Variants in HERC3 observed in about 807,000 individuals in gnomAD.
The protein encoded by HERC3 is HECT and RLD domain containing E3 ubiquitin protein ligase 3.
HERC3 carries 58 observed loss-of-function variants against 129.9 expected under a neutral mutation model. That is an observed-to-expected ratio of 0.45 (90% confidence interval 0.36 to 0.56). The LOEUF (loss-of-function observed/expected upper bound fraction) is 0.56. Among genes scored for constraint, HERC3 ranks in the 20% least tolerant of loss-of-function variants. The probability of loss-of-function intolerance (pLI) is 0.00; values close to 1 mark genes in which losing one functional copy is unlikely to be tolerated. For missense variants in HERC3, 835 were observed against 1,244.2 expected, an observed-to-expected ratio of 0.67 and a Z score of 4.95; for synonymous variants, 430 against 451.0, an observed-to-expected ratio of 0.95 and a Z score of 0.59.
At chr4:88,647,170 C>G (rs1728783535) in intron 3 of HERC3, among the ~76,000 whole-genome samples, 1 of 152,076 alleles carries the variant, frequency 6.6e-6, no homozygotes, top group Admixed American at 6.6e-5. Flanking sequence ...CAGGTGTTCC[C>G]TTTTGAGGCT....
At chr4:88,566,121 C>T in the HERC3 span, among the ~76,000 whole-genome samples, 9,399 of 152,194 alleles carry the variant, frequency 0.062, 417 homozygotes, top group South Asian at 0.22. Context: ...TCCTCTCCCT[C>T]CTTCCATCCT....
At chr4:88,645,556 A>T (rs1283476434) in intron 3 of HERC3, among the ~76,000 whole-genome samples, 1 of 152,056 alleles carries the variant, frequency 6.6e-6, no homozygotes, top group Non-Finnish European at 1.5e-5. Context: ...CCCCCACTAG[A>T]TACCTGAAAC....
chr4:88,607,512 G>A (rs1723796023), intron 3 of HERC3, among the ~76,000 whole-genome samples: 1 of 152,056 alleles, frequency 6.6e-6, no homozygotes, highest in Admixed American at 6.5e-5. Flanking sequence ...CGCCCAGGCT[G>A]GAGTGCAGTG....
chr4:88,676,900 T>C (rs760857325), intron 18 of HERC3, among the ~76,000 whole-genome samples: 2 of 152,154 alleles, frequency 1.3e-5, no homozygotes, highest in African/African-American at 4.8e-5. Flanking sequence ...CCTAACACTT[T>C]GGGAGGCCGA....
the HERC3 span, among the ~76,000 whole-genome samples, chr4:88,548,677 T>C: frequency 6.6e-6 from 1 of 151,810 alleles, no homozygotes; most frequent in Admixed American, 6.6e-5. Flanking sequence ...TTTTTTTTTT[T>C]TGAGATGGAG....
intron 4 of HERC3, among the ~76,000 whole-genome samples, chr4:88,650,411 T>G (rs1471584519): frequency 6.6e-6 from 1 of 152,230 alleles, no homozygotes; most frequent in Non-Finnish European, 1.5e-5. Context: ...ACTTTAAGCA[T>G]TACAAACAGC....
At chr4:88,682,732 T>C (rs1366756682) in intron 21 of HERC3, among the ~76,000 whole-genome samples, 7 of 152,156 alleles carry the variant, frequency 4.6e-5, no homozygotes. Context: ...TTGTTGGACA[T>C]TTGGGTTGAT....
At chr4:88,536,794 A>C in the HERC3 span, among the ~76,000 whole-genome samples, 1 of 152,184 alleles carries the variant, frequency 6.6e-6, no homozygotes, top group Non-Finnish European at 1.5e-5. Context: ...AATTCAAAAC[A>C]TATAAACTCT....
At chr4:88,555,206 C>G in the HERC3 span, among the ~76,000 whole-genome samples, 1 of 150,020 alleles carries the variant, frequency 6.7e-6, no homozygotes, top group African/African-American at 2.5e-5. Context: ...CTGCTTGAAC[C>G]TGGGAGGCGG....
At chr4:88,703,828 A>T (rs1232756100) in intron 23 of HERC3, among the ~76,000 whole-genome samples, 1 of 152,190 alleles carries the variant, frequency 6.6e-6, no homozygotes, top group East Asian at 1.9e-4. Flanking sequence ...AGGTAAAGCC[A>T]GTAGTTTAGT....
At chr4:88,633,668 A>C (rs1372662344) in intron 3 of HERC3, among the ~76,000 whole-genome samples, 1 of 152,172 alleles carries the variant, frequency 6.6e-6, no homozygotes, top group African/African-American at 2.4e-5. Flanking sequence ...AAATCCAAAT[A>C]TAGCAATGAT....
the HERC3 span, among the ~76,000 whole-genome samples, chr4:88,582,444 C>T: frequency 6.6e-6 from 1 of 152,128 alleles, no homozygotes; most frequent in Non-Finnish European, 1.5e-5. Flanking sequence ...AATTGCAGAA[C>T]CAAGGTCTCT....
intron 14 of HERC3, among the ~76,000 whole-genome samples, chr4:88,669,334 A>G (rs990372978): frequency 6.6e-6 from 1 of 152,194 alleles, no homozygotes; most frequent in African/African-American, 2.4e-5. Flanking sequence ...AGCCAGTGGT[A>G]TATCTTCTTG....
intron 3 of HERC3, among the ~76,000 whole-genome samples, chr4:88,649,620 T>C (rs1439809069): frequency 6.6e-6 from 1 of 152,194 alleles, no homozygotes; most frequent in Non-Finnish European, 1.5e-5. Context: ...ACTATAGTTA[T>C]AGTATATACT....
At chr4:88,650,699 C>T (rs547721940) in intron 4 of HERC3, among the ~76,000 whole-genome samples, 1 of 152,322 alleles carries the variant, frequency 6.6e-6, no homozygotes, top group South Asian at 2.1e-4. Context: ...CCACATACCA[C>T]TACTATAGTA....
At position 88,681,218 on chromosome 4, in the gene HERC3, C is replaced by T; in HGVS notation, c.2400C>T (p.Tyr800=). Residue 800 remains tyrosine, a synonymous_variant, in exon 21 of 26, where the codon TAC becomes TAT. Transcript: ENST00000402738. ...GTATAACCTGTGGACTAGCTATCTA[C>T]AACTCCACTGTGGTCGATCTCCACT... ...LIGITCGLAI[Y]NSTVVDLHFP... 1 of 1,614,068 alleles carries T rather than the reference C, an allele frequency of 6.2e-7. No homozygotes were observed. The highest frequency in any genetic ancestry group is 2.2e-5 in the East Asian group (1 of 44,880).
At chr4:88,678,675 CTTAGTGAA>C (rs1353164899) in intron 19 of HERC3, among the ~76,000 whole-genome samples, 2 of 152,176 alleles carry the variant, frequency 1.3e-5, no homozygotes, top group Non-Finnish European at 2.9e-5. Context: ...TCCAGAAATA[CTTAGTGAA>C]TTATATGAAA....
chr4:88,623,573 T>G (rs1442092238), intron 3 of HERC3, among the ~76,000 whole-genome samples: 1 of 152,186 alleles, frequency 6.6e-6, no homozygotes, highest in Non-Finnish European at 1.5e-5. Flanking sequence ...GGGTTCGTTG[T>G]CCCTCACGTG....
chr4:88,586,520 G>A, the HERC3 span, among the ~76,000 whole-genome samples: 21 of 151,954 alleles, frequency 1.4e-4, no homozygotes, highest in African/African-American at 4.3e-4. Context: ...CACCATGCCC[G>A]GCTAATTTTG....
Sources: allele counts gnomAD v4.1 joint callset (sites outside exome capture counted in the v4.1 genomes callset), GRCh38; gene constraint gnomAD v4.1.1; transcripts MANE v1.5; gene names NCBI Gene and HGNC (gene_info 2026-07-23, HGNC 2026-07-21).